Variants in FMO1 observed in about 807,000 individuals in gnomAD.
FMO1 encodes flavin containing dimethylaniline monoxygenase 1, also known as flavin-containing monooxygenase 1.
A neutral mutation model predicts 45.4 loss-of-function variants in FMO1; 36 were observed. The observed-to-expected ratio is 0.79, with a 90% confidence interval of 0.61 to 1.05. The LOEUF (loss-of-function observed/expected upper bound fraction) is 1.05. FMO1 is among the 50% of genes least tolerant of loss of function. FMO1 has a pLI of 0.00. For synonymous variants in FMO1, 228 were observed against 227.2 expected, an observed-to-expected ratio of 1.00 and a Z score of -0.03; for missense variants, 615 against 640.3, an observed-to-expected ratio of 0.96 and a Z score of 0.43.
At chr1:171,277,150 G>T (rs541776582) in intron 4 of FMO1, among the ~76,000 whole-genome samples, 1 of 152,244 alleles carries the variant, frequency 6.6e-6, no homozygotes, top group South Asian at 2.1e-4. Context: ...TTTTAGAGTT[G>T]AAGAGCAGTT....
In FMO1 at chr1:171,285,742, T is replaced by C; in HGVS notation, c.*198T>C. The C allele has an allele frequency of 2.5e-6, 1 of 392,626 alleles. No homozygotes were observed. The highest frequency in any genetic ancestry group is 4.5e-6 in the Non-Finnish European group (1 of 223,364). The allele number at this position is 392,626 out of a possible 1,614,324, so 24.3% of individuals were successfully genotyped here. On this transcript the variant is annotated 3_prime_UTR_variant, in exon 9 of 9. Transcript: ENST00000617670. Reference sequence around the variant, plus strand: ...CTCCACTTCTAATGCTAGAGAATGATAACTAAGACTTCTGTGCATTTGAAG... The same window carrying C: ...CTCCACTTCTAATGCTAGAGAATGACAACTAAGACTTCTGTGCATTTGAAG...
chr1:171,284,282 C>T (rs1661526075), intron 8 of FMO1, among the ~76,000 whole-genome samples: 1 of 151,898 alleles, frequency 6.6e-6, no homozygotes, highest in Non-Finnish European at 1.5e-5. Context: ...TTGATCTATC[C>T]TTGTCAAGGT....
At chr1:171,256,199 G>A (rs1431101526) in intron 1 of FMO1, among the ~76,000 whole-genome samples, 1 of 144,582 alleles carries the variant, frequency 6.9e-6, no homozygotes, top group Non-Finnish European at 1.5e-5. Flanking sequence ...TGTGAACCTA[G>A]GAGGCAGAGC....
chr1:171,267,803 C>A (rs893670639), intron 3 of FMO1, 72 bp downstream of exon 3: 11 of 1,206,826 alleles, frequency 9.1e-6, no homozygotes, highest in African/African-American at 3.0e-5. Context: ...TCCAGCCTAG[C>A]CCTGGGCTCT....
At chr1:171,264,593 T>C (rs1442559796) in intron 2 of FMO1, among the ~76,000 whole-genome samples, 1 of 152,022 alleles carries the variant, frequency 6.6e-6, no homozygotes, top group Non-Finnish European at 1.5e-5. Flanking sequence ...GAGCTTCTTA[T>C]AAATGCACAA....
At chr1:171,284,664 C>T (rs1267838847) in intron 8 of FMO1, among the ~76,000 whole-genome samples, 2 of 147,586 alleles carry the variant, frequency 1.4e-5, no homozygotes, top group Admixed American at 6.8e-5. Flanking sequence ...CCAAGGAGTT[C>T]AAGGTTGCAG....
intron 7 of FMO1, 185 bp from the exon 8 acceptor site, chr1:171,282,959 C>T: frequency 4.2e-6 from 2 of 472,630 alleles, no homozygotes; most frequent in South Asian, 4.6e-5. Context: ...ATCTTTTCAG[C>T]TGACGGCATT....
chr1:171,281,578 G>T (rs1661360828), intron 6 of FMO1, among the ~76,000 whole-genome samples: 1 of 152,160 alleles, frequency 6.6e-6, no homozygotes, highest in Non-Finnish European at 1.5e-5. Context: ...ATACATGCAT[G>T]TTTCCCTTAT....
At chr1:171,273,217 T>C (rs963985154) in intron 3 of FMO1, among the ~76,000 whole-genome samples, 3 of 152,200 alleles carry the variant, frequency 2.0e-5, no homozygotes, top group African/African-American at 7.2e-5. Context: ...CCTGCCATGA[T>C]TGTGATGCTT....
intron 3 of FMO1, among the ~76,000 whole-genome samples, chr1:171,268,494 GA>G (rs1660713844): frequency 1.3e-5 from 2 of 152,308 alleles, no homozygotes; most frequent in South Asian, 4.1e-4. Flanking sequence ...CTTGAGAATA[GA>G]AAAATCTTTG....
intron 8 of FMO1, 116 bp from the exon 9 acceptor site, chr1:171,285,086 T>C: frequency 1.5e-6 from 1 of 647,472 alleles, no homozygotes. Flanking sequence ...AAGGGGAAAA[T>C]GCAGAAACCA....
At chr1:171,278,925 A>T in intron 5 of FMO1, 54 bp downstream of exon 5, 4 of 1,436,168 alleles carry the variant, frequency 2.8e-6, no homozygotes, top group Non-Finnish European at 3.8e-6. Flanking sequence ...GCATGCCTCA[A>T]GCAAATGGTG....
chr1:171,261,086 T>G (rs1660361209), intron 2 of FMO1, among the ~76,000 whole-genome samples: 1 of 152,072 alleles, frequency 6.6e-6, no homozygotes, highest in South Asian at 2.1e-4. Flanking sequence ...ATGAAACACA[T>G]ACAAAAGCTG....
chr1:171,278,759 A>G lies in FMO1; in HGVS notation c.515A>G (p.His172Arg). ...GINAFKGQYFHSRQYKHPDIF... is the reference protein window; with the variant it reads ...GINAFKGQYFRSRQYKHPDIF... ...AATGCCTTTAAAGGCCAGTACTTTC[A>G]TAGCCGGCAATATAAGCATCCAGAT... The change falls in exon 5 of 9, where the codon CAT (histidine) becomes CGT (arginine). Residue 172 changes from histidine to arginine, a missense_variant. Coordinates refer to ENST00000617670, the MANE Select transcript of FMO1 (RefSeq NM_001282693.2). 6.2e-7 allele frequency: 1 copy of G among 1,610,998 alleles called. No homozygotes were observed. The highest frequency in any genetic ancestry group is 2.2e-5 in the East Asian group (1 of 44,856).
intron 1 of FMO1, among the ~76,000 whole-genome samples, chr1:171,249,507 C>A (rs1422102884): frequency 1.3e-5 from 2 of 152,150 alleles, no homozygotes; most frequent in African/African-American, 2.4e-5. Context: ...AAGTTTCTTA[C>A]CAGCTGTGCT....
intron 1 of FMO1, among the ~76,000 whole-genome samples, chr1:171,256,538 G>T (rs928932841): frequency 1.3e-4 from 20 of 151,968 alleles, no homozygotes; most frequent in African/African-American, 4.8e-4. Context: ...CCTAAAACAT[G>T]AATTCCCCTA....
At position 171,285,678 on chromosome 1, in the gene FMO1, G is replaced by A; in HGVS notation, c.*134G>A. 1 of 467,136 alleles carries A rather than the reference G, an allele frequency of 2.1e-6. No individual in the cohort carries two copies. The highest frequency in any genetic ancestry group is 3.6e-6 in the Non-Finnish European group (1 of 278,406). 28.9% of individuals were successfully genotyped at this position (467,136 alleles called of 1,614,324 possible). On this transcript the variant is annotated 3_prime_UTR_variant, in exon 9 of 9. Transcript: ENST00000617670. Reference sequence around the variant, plus strand: ...GGCCACCCTCTCGCTTCCCTGGCTGGCCCCAGGGCTACCACTGGTATTCCT... The same window carrying A: ...GGCCACCCTCTCGCTTCCCTGGCTGACCCCAGGGCTACCACTGGTATTCCT...
intron 8 of FMO1, among the ~76,000 whole-genome samples, chr1:171,284,617 A>G (rs1661538691): frequency 6.6e-6 from 1 of 151,976 alleles, no homozygotes; most frequent in Admixed American, 6.6e-5. Context: ...TCATGCTTGT[A>G]GTCCCACCTA....
In FMO1 at chr1:171,280,878, G is replaced by A. The variant is rs767130802; in HGVS notation, c.720G>A (p.Gln240=). 1.2e-6 allele frequency: 2 copies of A among 1,613,968 alleles called. No homozygotes were observed. The highest frequency in any genetic ancestry group is 1.7e-6 in the Non-Finnish European group (2 of 1,179,880). ...PWDMVFMTRF[Q]NMLRNSLPTP... ...ACATGGTGTTCATGACACGCTTTCA[G>A]AACATGTTGAGAAATTCCCTCCCAA... Residue 240 remains glutamine (Q), a synonymous_variant, in exon 6 of 9, where the codon CAG becomes CAA. Coordinates refer to ENST00000617670, the MANE Select transcript of FMO1 (RefSeq NM_001282693.2).
Sources: allele counts gnomAD v4.1 joint callset (sites outside exome capture counted in the v4.1 genomes callset), GRCh38; gene constraint gnomAD v4.1.1; transcripts MANE v1.5; gene names NCBI Gene and HGNC (gene_info 2026-07-23, HGNC 2026-07-21).